The following TBC1D5 variants were observed in gnomAD, a reference collection of about 807,000 sequenced individuals.
The protein encoded by TBC1D5 is TBC1 domain family, member 5.
In TBC1D5, 75 loss-of-function variants were observed where a neutral mutation model predicts 100.3. The observed-to-expected ratio is 0.75, with a 90% CI of 0.62 to 0.91. TBC1D5 has a LOEUF of 0.91. TBC1D5 is among the 40% of genes least tolerant of loss of function. The pLI is 0.00. For synonymous variants in TBC1D5, 323 were observed against 325.6 expected, an observed-to-expected ratio of 0.99 and a Z score of 0.09; for missense variants, 910 against 942.4, an observed-to-expected ratio of 0.97 and a Z score of 0.45.
intron 9 of TBC1D5, among the ~76,000 whole-genome samples, chr3:17,376,883 A>G (rs2092731908): frequency 6.6e-6 from 1 of 152,184 alleles, no homozygotes; most frequent in Non-Finnish European, 1.5e-5. Flanking sequence ...TTGGCATGGT[A>G]GATAACCTTG....
At chr3:17,548,308 G>A (rs558797967) in intron 2 of TBC1D5, among the ~76,000 whole-genome samples, 4 of 152,002 alleles carry the variant, frequency 2.6e-5, no homozygotes, top group Admixed American at 6.6e-5. Context: ...AGCGAGACTC[G>A]GTCTCAAAAA....
At chr3:17,379,365 T>C (rs1226064499) in intron 9 of TBC1D5, among the ~76,000 whole-genome samples, 6 of 152,088 alleles carry the variant, frequency 3.9e-5, no homozygotes, top group African/African-American at 7.2e-5. Context: ...TTCCCCAAAA[T>C]ATATTTTATA....
intron 1 of TBC1D5, among the ~76,000 whole-genome samples, chr3:17,630,618 T>A (rs1335831616): frequency 6.6e-6 from 1 of 152,132 alleles, no homozygotes; most frequent in East Asian, 1.9e-4. Context: ...GATATGACAA[T>A]ACTGAAATTA....
chr3:17,269,316 A>G (rs1048114810), intron 15 of TBC1D5, among the ~76,000 whole-genome samples: 2 of 151,690 alleles, frequency 1.3e-5, no homozygotes, highest in African/African-American at 4.8e-5. Context: ...TGAAGAGCCT[A>G]CTCTTTCTGT....
rs149649576 is a variant in TBC1D5, at chr3:17,460,982, C to T, written c.98-32463G>A. Among the ~76,000 whole-genome samples, 1,073 of 152,134 alleles carry T rather than the reference C, an allele frequency of 7.1e-3. 13 individuals carry two copies. The highest frequency in any genetic ancestry group is 0.013 in the Non-Finnish European group (859 of 67,964). On this transcript the variant is annotated intron_variant, in intron 3 of 21. Transcript: ENST00000253692. ...TCAGACTAATATAGAAGTCTTGGCA[C>T]GAATAATAAGATAACTGTGGTTGAT...
At chr3:17,299,155 C>T (rs1399274147) in intron 14 of TBC1D5, among the ~76,000 whole-genome samples, 1 of 152,074 alleles carries the variant, frequency 6.6e-6, no homozygotes, top group Non-Finnish European at 1.5e-5. Flanking sequence ...CACTGTGATA[C>T]CAACAACAGT....
intron 1 of TBC1D5, among the ~76,000 whole-genome samples, chr3:17,723,957 A>G (rs2075902031): frequency 6.6e-6 from 1 of 152,164 alleles, no homozygotes; most frequent in Non-Finnish European, 1.5e-5. Flanking sequence ...ATCTATCTAT[A>G]CATGTTCTCT....
chr3:17,560,452 T>C (rs1055565316), intron 2 of TBC1D5, among the ~76,000 whole-genome samples: 1 of 151,854 alleles, frequency 6.6e-6, no homozygotes, highest in Non-Finnish European at 1.5e-5. Context: ...ACACCCTGTC[T>C]CTAAAAAAAT....
intron 1 of TBC1D5, among the ~76,000 whole-genome samples, chr3:17,681,417 G>A (rs1289974718): frequency 1.3e-5 from 2 of 151,470 alleles, no homozygotes; most frequent in African/African-American, 4.9e-5. Flanking sequence ...ATGTAACTAT[G>A]ACTTTAATAA....
intron 13 of TBC1D5, among the ~76,000 whole-genome samples, chr3:17,366,186 A>G (rs1044178744): frequency 2.0e-5 from 3 of 152,004 alleles, no homozygotes; most frequent in African/African-American, 7.2e-5. Flanking sequence ...AGCTACTTGG[A>G]AGGCTAAGGT....
chr3:17,164,079 T>C (rs2066353531), intron 21 of TBC1D5, among the ~76,000 whole-genome samples: 1 of 152,182 alleles, frequency 6.6e-6, no homozygotes, highest in African/African-American at 2.4e-5. Flanking sequence ...CGTGTGGCTC[T>C]TCTCACTCTA....
At chr3:17,380,065 G>T (rs2092882516) in intron 9 of TBC1D5, among the ~76,000 whole-genome samples, 1 of 151,066 alleles carries the variant, frequency 6.6e-6, no homozygotes, top group African/African-American at 2.4e-5. Flanking sequence ...GTGTGTGTGT[G>T]TGTGTGTGTG....
At chr3:17,509,883 T>C (rs1039686635) in intron 2 of TBC1D5, among the ~76,000 whole-genome samples, 7 of 152,042 alleles carry the variant, frequency 4.6e-5, no homozygotes, top group African/African-American at 1.2e-4. Flanking sequence ...TTCTCACTTA[T>C]ATAAATTATT....
intron 15 of TBC1D5, among the ~76,000 whole-genome samples, chr3:17,288,966 C>T (rs950972005): frequency 7.9e-5 from 12 of 152,200 alleles, no homozygotes; most frequent in South Asian, 2.1e-4. Context: ...GCTGTTAACA[C>T]GCTGCAGTCC....
At chr3:17,243,387 A>T (rs1430367687) in intron 16 of TBC1D5, among the ~76,000 whole-genome samples, 1 of 152,228 alleles carries the variant, frequency 6.6e-6, no homozygotes, top group African/African-American at 2.4e-5. Context: ...TTTTCAACAT[A>T]AAGTAAATGA....
chr3:17,495,907 A>C (rs1012909132), intron 3 of TBC1D5, among the ~76,000 whole-genome samples: 2 of 152,210 alleles, frequency 1.3e-5, no homozygotes, highest in African/African-American at 2.4e-5. Context: ...CTCTATTAAA[A>C]ATTTCCAGGA....
chr3:17,278,996 T>C lies in TBC1D5; in HGVS notation c.1245+12899A>G, dbSNP rs969798481. Among the ~76,000 whole-genome samples the C allele has an allele frequency of 2.0e-5, 3 of 152,222 alleles. 1 individual carries two copies. Among genetic ancestry groups the C allele is most frequent in the Admixed American group, 2.0e-4 (3 of 15,280 alleles). Reference sequence around the variant, plus strand: ...AAGAACATCACAAATAGATAAAACATTTCCAAATTATCCACATCATGAATT... The same window carrying C: ...AAGAACATCACAAATAGATAAAACACTTCCAAATTATCCACATCATGAATT... On this transcript the variant is annotated intron_variant, in intron 15 of 21. Coordinates refer to ENST00000253692, the Ensembl canonical transcript of TBC1D5.
At chr3:17,579,121 G>A (rs553288983) in intron 2 of TBC1D5, among the ~76,000 whole-genome samples, 1 of 152,058 alleles carries the variant, frequency 6.6e-6, no homozygotes, top group South Asian at 2.1e-4. Context: ...TCATTAATAA[G>A]TATAATGTTA....
At chr3:17,538,012 G>A (rs995012632) in intron 2 of TBC1D5, among the ~76,000 whole-genome samples, 1 of 152,144 alleles carries the variant, frequency 6.6e-6, no homozygotes, top group Non-Finnish European at 1.5e-5. Context: ...CATGTAAGAT[G>A]TGTAATGATT....
Sources: gnomAD v4.1 joint callset for allele counts (sites outside exome capture counted in the v4.1 genomes callset) on GRCh38, gnomAD v4.1.1 for gene constraint, MANE v1.5 for transcripts, NCBI Gene and HGNC (gene_info 2026-07-23, HGNC 2026-07-21) for gene names.